FOXP2: variants seen among roughly 807,000 people sequenced by gnomAD.
FOXP2 encodes the protein forkhead box P2.
Under a neutral mutation model 115.8 loss-of-function variants are expected in FOXP2, and 12 were observed. That is an observed-to-expected ratio of 0.10 (90% confidence interval 0.07 to 0.17). FOXP2 has a LOEUF of 0.17. Ranked by LOEUF, FOXP2 falls within the 10% of genes least tolerant of loss-of-function variation. The pLI is 1.00. For synonymous variants in FOXP2, 328 were observed against 297.7 expected, an observed-to-expected ratio of 1.10 and a Z score of -1.05; for missense variants, 629 against 843.5, an observed-to-expected ratio of 0.75 and a Z score of 3.15.
At chr7:114,475,120 G>T (rs1002108823) in intron 2 of FOXP2, among the ~76,000 whole-genome samples, 1 of 151,990 alleles carries the variant, frequency 6.6e-6, no homozygotes, top group African/African-American at 2.4e-5. Context: ...CAGAGTACTA[G>T]AAATCAATGT....
intron 1 of FOXP2, among the ~76,000 whole-genome samples, chr7:114,227,522 G>T (rs1289439980): frequency 1.3e-5 from 2 of 151,706 alleles, no homozygotes; most frequent in East Asian, 3.9e-4. Context: ...GGACCTGGGA[G>T]TTCTAAGTCT....
intron 2 of FOXP2, among the ~76,000 whole-genome samples, chr7:114,367,556 C>T (rs1791910846): frequency 6.6e-6 from 1 of 152,024 alleles, no homozygotes; most frequent in Admixed American, 6.6e-5. Flanking sequence ...CTATGAACTA[C>T]AAAACAAACA....
In FOXP2 at chr7:114,216,923, T is replaced by C. The variant is rs73206267; in HGVS notation, c.-102+53835T>C. ...AAATCTAGGCATTAGCAGTTTAAAA[T>C]ATAATAACAATATTCTGATTTGATA... is the stretch of plus-strand genomic sequence containing the variant. On this transcript the variant is annotated intron_variant, in intron 1 of 17. Transcript: ENST00000634411. 7.4e-3 allele frequency among the ~76,000 whole-genome samples: 1,130 copies of C among 152,278 alleles called. 7 individuals are homozygous for C. The highest frequency in any genetic ancestry group is 0.011 in the Non-Finnish European group (774 of 67,994).
intron 2 of FOXP2, among the ~76,000 whole-genome samples, chr7:114,457,039 G>A (rs1200361010): frequency 6.6e-6 from 1 of 152,106 alleles, no homozygotes; most frequent in Non-Finnish European, 1.5e-5. Context: ...GTAAGACAAA[G>A]GGTACAAAGT....
chr7:114,378,040 A>G (rs1234666376), intron 2 of FOXP2, among the ~76,000 whole-genome samples: 3 of 152,146 alleles, frequency 2.0e-5, no homozygotes, highest in Non-Finnish European at 4.4e-5. Flanking sequence ...TTCCTCAAGG[A>G]AGCCCTCCCT....
chr7:114,174,954 T>C (rs1793248798), intron 1 of FOXP2, among the ~76,000 whole-genome samples: 1 of 152,102 alleles, frequency 6.6e-6, no homozygotes. Flanking sequence ...CTAAATATCT[T>C]ATCTGAATTT....
At chr7:114,212,051 T>G (rs944033150) in intron 1 of FOXP2, among the ~76,000 whole-genome samples, 1 of 149,290 alleles carries the variant, frequency 6.7e-6, no homozygotes, top group South Asian at 2.1e-4. Context: ...CCTGGGCGAC[T>G]GGAGCGAAAC....
intron 2 of FOXP2, among the ~76,000 whole-genome samples, chr7:114,349,718 A>G (rs947782809): frequency 6.6e-6 from 1 of 151,720 alleles, no homozygotes; most frequent in African/African-American, 2.4e-5. Context: ...CTTATGTATT[A>G]GCATGTTTTA....
intron 2 of FOXP2, among the ~76,000 whole-genome samples, chr7:114,375,937 T>C (rs917618815): frequency 6.6e-6 from 1 of 152,190 alleles, no homozygotes; most frequent in Admixed American, 6.5e-5. Flanking sequence ...CAAAGTTACA[T>C]TGCAAAAGGA....
intron 3 of FOXP2, among the ~76,000 whole-genome samples, chr7:114,574,150 G>A (rs528088229): frequency 6.6e-6 from 1 of 151,700 alleles, no homozygotes; most frequent in Non-Finnish European, 1.5e-5. Context: ...GTAATTGTAT[G>A]CACTTATCTT....
intron 1 of FOXP2, among the ~76,000 whole-genome samples, chr7:114,416,920 A>G (rs1032822980): frequency 6.6e-6 from 1 of 151,948 alleles, no homozygotes; most frequent in Admixed American, 6.6e-5. Context: ...AAACCCATGT[A>G]AAATTTCACA....
chr7:114,315,001 C>T (rs975089137), intron 2 of FOXP2, among the ~76,000 whole-genome samples: 1 of 152,202 alleles, frequency 6.6e-6, no homozygotes, highest in African/African-American at 2.4e-5. Flanking sequence ...ATAAGCACCA[C>T]CTTTAAGCAT....
At chr7:114,374,741 T>C (rs1356206204) in intron 2 of FOXP2, among the ~76,000 whole-genome samples, 1 of 152,230 alleles carries the variant, frequency 6.6e-6, no homozygotes, top group Non-Finnish European at 1.5e-5. Flanking sequence ...TCCTTATTTG[T>C]AATTCCCTCT....
intron 3 of FOXP2, among the ~76,000 whole-genome samples, chr7:114,569,635 A>T (rs1801192540): frequency 6.6e-6 from 1 of 151,898 alleles, no homozygotes; most frequent in Non-Finnish European, 1.5e-5. Context: ...GCAAAATACA[A>T]CTTGAACAAT....
intron 1 of FOXP2, among the ~76,000 whole-genome samples, chr7:114,266,152 T>A (rs942909806): frequency 2.0e-5 from 3 of 152,156 alleles, no homozygotes; most frequent in African/African-American, 7.2e-5. Flanking sequence ...CACAACCATT[T>A]AACCAGTCTC....
intron 3 of FOXP2, among the ~76,000 whole-genome samples, chr7:114,599,380 T>C (rs1802899527): frequency 6.6e-6 from 1 of 152,194 alleles, no homozygotes; most frequent in Non-Finnish European, 1.5e-5. Context: ...TTATTTTAAA[T>C]GTTAAATTAA....
At chr7:114,315,820 G>A (rs193045670) in intron 2 of FOXP2, among the ~76,000 whole-genome samples, 55 of 152,188 alleles carry the variant, frequency 3.6e-4, no homozygotes, top group Non-Finnish European at 6.8e-4. Context: ...CTTGTGTTAC[G>A]TGTATTTCTG....
At chr7:114,318,460 CCTT>C (rs1233650555) in intron 2 of FOXP2, among the ~76,000 whole-genome samples, 2 of 144,296 alleles carry the variant, frequency 1.4e-5, no homozygotes, top group Non-Finnish European at 3.0e-5. Context: ...TATTATCTGA[CCTT>C]CTTTATTCTA....
Position 114,298,591 on chromosome 7 carries a change from G to A in FOXP2, c.-11+10482G>A, listed in dbSNP as rs116983374. Among the ~76,000 whole-genome samples, 5 of 152,278 alleles carry A rather than the reference G, an allele frequency of 3.3e-5. No individual in the cohort carries two copies. The East Asian group carries it at 9.7e-4, about 29-fold the overall frequency. On this transcript the variant is annotated intron_variant, in intron 2 of 17. Coordinates refer to the FOXP2 transcript ENST00000634411. ...GCAATATAATCTTCATTTAACAGAT[G>A]AAGGTGTGGTGCTCAGAAAAGTTAA...
Sources: allele counts gnomAD v4.1 joint callset (sites outside exome capture counted in the v4.1 genomes callset), GRCh38; gene constraint gnomAD v4.1.1; transcripts MANE v1.5; gene names NCBI Gene and HGNC (gene_info 2026-07-23, HGNC 2026-07-21).